Variants in STIM2 observed in about 807,000 individuals in gnomAD.
STIM2 encodes the protein stromal interaction molecule 2.
STIM2 carries 31 observed loss-of-function variants against 85.8 expected under a neutral mutation model. That is an observed-to-expected ratio of 0.36 (90% confidence interval 0.27 to 0.49). STIM2 has a LOEUF of 0.49. Among genes scored for constraint, STIM2 ranks in the 20% least tolerant of loss-of-function variants. The pLI is 0.98. For synonymous variants in STIM2, 356 were observed against 331.1 expected (o/e 1.08, Z -0.82); for missense variants, 841 against 927.6 (o/e 0.91, Z 1.21).
At chr4:26,917,410 C>T (rs766399826) in intron 1 of STIM2, among the ~76,000 whole-genome samples, 4 of 151,954 alleles carry the variant, frequency 2.6e-5, no homozygotes, top group Non-Finnish European at 4.4e-5. Context: ...GGTAGGTGCT[C>T]ATTAGATAGT....
intron 4 of STIM2, among the ~76,000 whole-genome samples, chr4:26,998,188 T>C (rs16878678): frequency 0.019 from 2,953 of 152,292 alleles, 103 homozygotes; most frequent in African/African-American, 0.068. Context: ...TGTAATGAAA[T>C]CTTTACTAGC....
chr4:26,904,303 T>TTA (rs1342553400), intron 1 of STIM2, among the ~76,000 whole-genome samples: 1 of 152,152 alleles, frequency 6.6e-6, no homozygotes, highest in African/African-American at 2.4e-5. Flanking sequence ...TGATTCATAC[T>TTA]TAAAGTGTAC....
At chr4:26,999,074 A>G (rs533775770) in intron 4 of STIM2, among the ~76,000 whole-genome samples, 158 bp from the exon 5 acceptor site, 2 of 152,164 alleles carry the variant, frequency 1.3e-5, no homozygotes, top group African/African-American at 4.8e-5. Flanking sequence ...TTTTTGAAAC[A>G]TGTAACAAAT....
intron 2 of STIM2, among the ~76,000 whole-genome samples, chr4:26,938,849 T>G (rs1725488622): frequency 6.6e-6 from 1 of 152,230 alleles, no homozygotes; most frequent in Admixed American, 6.5e-5. Context: ...GCACTAGGAT[T>G]AGAGTCCAAC....
chr4:26,998,922 A>AAAAAAT (rs61447865), intron 4 of STIM2, among the ~76,000 whole-genome samples: 18 of 149,504 alleles, frequency 1.2e-4, no homozygotes, highest in Non-Finnish European at 4.5e-5. Flanking sequence ...AAAAAAAAAA[A>AAAAAAT]TTTTTTTTTC....
intron 1 of STIM2, among the ~76,000 whole-genome samples, chr4:26,893,234 C>T (rs575028551): frequency 6.6e-6 from 1 of 152,268 alleles, no homozygotes; most frequent in East Asian, 1.9e-4. Flanking sequence ...AGAACTTCAT[C>T]AACACCCCTA....
chr4:27,001,982 G>A (rs967861412), intron 5 of STIM2, among the ~76,000 whole-genome samples: 1 of 152,138 alleles, frequency 6.6e-6, no homozygotes, highest in Admixed American at 6.5e-5. Flanking sequence ...ACCAGCAGGG[G>A]CGTGGTGTGT....
chr4:26,982,980 T>C (rs1372098424), intron 3 of STIM2, among the ~76,000 whole-genome samples: 1 of 152,218 alleles, frequency 6.6e-6, no homozygotes, highest in African/African-American at 2.4e-5. Flanking sequence ...CACGGGCTGC[T>C]ACCTCTTTCA....
intron 1 of STIM2, among the ~76,000 whole-genome samples, chr4:26,883,415 A>G (rs1723098230): frequency 6.6e-6 from 1 of 152,040 alleles, no homozygotes; most frequent in East Asian, 1.9e-4. Flanking sequence ...GCACATATAT[A>G]CCTGTCTTAT....
At chr4:27,007,743 G>T (rs748659343) in intron 8 of STIM2, 43 bp downstream of exon 8, 1 of 1,483,600 alleles carries the variant, frequency 6.7e-7, no homozygotes, top group East Asian at 2.4e-5. Context: ...TGTTTCTTAG[G>T]CTGCATTCTT....
chr4:26,943,220 A>G (rs1725685015), intron 2 of STIM2, among the ~76,000 whole-genome samples: 2 of 152,066 alleles, frequency 1.3e-5, no homozygotes, highest in Admixed American at 6.6e-5. Flanking sequence ...TTAAAGAAAC[A>G]TTTTAACACA....
intron 1 of STIM2, chr4:26,873,662 T>C (rs1722711308): frequency 3.8e-5 from 26 of 684,950 alleles, no homozygotes; most frequent in South Asian, 3.2e-4. Context: ...GAGACGCTCA[T>C]GTCACCACTC....
At chr4:26,952,639 T>G (rs900600486) in intron 2 of STIM2, among the ~76,000 whole-genome samples, 1 of 152,166 alleles carries the variant, frequency 6.6e-6, no homozygotes, top group African/African-American at 2.4e-5. Context: ...GAGATATCTG[T>G]GTAGTCTAGA....
intron 1 of STIM2, among the ~76,000 whole-genome samples, chr4:26,862,070 A>G (rs1323370059): frequency 6.6e-6 from 1 of 152,052 alleles, no homozygotes; most frequent in African/African-American, 2.4e-5. Flanking sequence ...TGCAAAGTGC[A>G]GCATACTCGG....
At position 26,947,161 on chromosome 4, in the gene STIM2, A is replaced by C. The variant is rs554793033; in HGVS notation, c.283-10451A>C. ...TGGCTGCAGTAGCTCCAAGTGTTGT[A>C]TTCTCCCATGATAACATCAGAACTT... is the stretch of plus-strand genomic sequence containing the variant. On this transcript the variant is annotated intron_variant, in intron 2 of 11. Transcript: ENST00000467087. Among the ~76,000 whole-genome samples the C allele has an allele frequency of 4.6e-5, 7 of 152,236 alleles. No individual in the cohort carries two copies. The East Asian group carries it at 1.2e-3, about 25-fold the overall frequency.
At chr4:27,020,704 A>G (rs192668544) in intron 11 of STIM2, among the ~76,000 whole-genome samples, 69 of 152,358 alleles carry the variant, frequency 4.5e-4, no homozygotes, top group African/African-American at 1.4e-3. Context: ...TACATCAGTA[A>G]CATGAAAATG....
intron 1 of STIM2, chr4:26,874,356 G>C (rs942132278): frequency 2.1e-5 from 6 of 283,554 alleles, no homozygotes; most frequent in African/African-American, 1.3e-4. Context: ...CCATCTGCCT[G>C]CCCAAGAGTC....
At chr4:26,892,720 A>G (rs1039264861) in intron 1 of STIM2, among the ~76,000 whole-genome samples, 2 of 152,202 alleles carry the variant, frequency 1.3e-5, no homozygotes, top group African/African-American at 4.8e-5. Flanking sequence ...AAGTTGATCA[A>G]GGTCTCTGGA....
In STIM2 at chr4:27,024,347, C is replaced by T. The variant is rs1339545890; in HGVS notation, c.*1351C>T. On this transcript the variant is annotated 3_prime_UTR_variant, in exon 12 of 12. Transcript: ENST00000467087. ...CTGCTTATACCACTTTAAAAATATGCAATCATAAGTGATTTGGTTACTGCA... is the reference window on the plus strand; with the variant it reads ...CTGCTTATACCACTTTAAAAATATGTAATCATAAGTGATTTGGTTACTGCA... 1 of 152,086 alleles carries T rather than the reference C, an allele frequency of 6.6e-6. No homozygotes were observed. The highest frequency in any genetic ancestry group is 1.5e-5 in the Non-Finnish European group (1 of 68,016). The allele number at this position is 152,086 out of a possible 1,614,324, so 9.4% of individuals were successfully genotyped here.
Sources: gnomAD v4.1 joint callset for allele counts (sites outside exome capture counted in the v4.1 genomes callset) on GRCh38, gnomAD v4.1.1 for gene constraint, MANE v1.5 for transcripts, NCBI Gene and HGNC (gene_info 2026-07-23, HGNC 2026-07-21) for gene names.